PLEKHG1: variants seen among roughly 807,000 people sequenced by gnomAD.
PLEKHG1 encodes the protein pleckstrin homology domain-containing family G member 1.
PLEKHG1 carries 44 observed loss-of-function variants against 100.8 expected under a neutral mutation model. The ratio of observed to expected loss-of-function variants is 0.44; its 90% confidence interval spans 0.34 to 0.56. PLEKHG1 has a LOEUF of 0.56. PLEKHG1 is among the 20% of genes least tolerant of loss of function. The pLI, the probability that PLEKHG1 is intolerant of heterozygous loss-of-function variation, is 0.01. For synonymous variants in PLEKHG1, 640 were observed against 662.5 expected (o/e 0.97, Z 0.52); for missense variants, 1,545 against 1,720.9 (o/e 0.90, Z 1.81).
At chr6:150,797,262 T>C (rs1263985271) in intron 5 of PLEKHG1, among the ~76,000 whole-genome samples, 2 of 152,074 alleles carry the variant, frequency 1.3e-5, no homozygotes, top group Non-Finnish European at 2.9e-5. Context: ...GGGATCCACC[T>C]AGAAGAGAAG....
intron 1 of PLEKHG1, among the ~76,000 whole-genome samples, chr6:150,603,551 G>A (rs1776458781): frequency 6.6e-6 from 1 of 152,154 alleles, no homozygotes; most frequent in Admixed American, 6.5e-5. Flanking sequence ...CGTATCTAAT[G>A]CTGCAAAACA....
At chr6:150,719,831 A>T (rs1781596015), upstream of PLEKHG1, among the ~76,000 whole-genome samples, 1 of 152,240 alleles carries the variant, frequency 6.6e-6, no homozygotes, top group Non-Finnish European at 1.5e-5. Context: ...ACTGATTTCC[A>T]TCAAACTGGT....
intron 10 of PLEKHG1, among the ~76,000 whole-genome samples, chr6:150,817,235 G>A (rs1173445506): frequency 6.6e-6 from 1 of 152,204 alleles, no homozygotes; most frequent in Non-Finnish European, 1.5e-5. Context: ...AGCTCGGAGA[G>A]CACCCACCTA....
intron 10 of PLEKHG1, 137 bp downstream of exon 11, chr6:150,809,871 TAAAAAC>T: frequency 3.2e-6 from 1 of 316,356 alleles, no homozygotes; most frequent in Non-Finnish European, 5.4e-6. Flanking sequence ...TGTCTCAAAA[TAAAAAC>T]AAAGAGACTG....
chr6:150,831,997 T>C lies in PLEKHG1; in HGVS notation c.2886T>C (p.Pro962=), dbSNP rs1427859484. 6.2e-7 allele frequency: 1 copy of C among 1,613,710 alleles called. No homozygotes were observed. Among genetic ancestry groups the C allele is most frequent in the South Asian group, 1.1e-5 (1 of 90,986 alleles). Residue 962 remains proline (P), a synonymous_variant, in exon 15 of 16, where the codon CCT becomes CCC. Transcript: ENST00000358517. This position sits in a 1 kb window ranked among gnomAD's most constrained non-coding sequence, Gnocchi z 4.1. ...TGTCTCAAACAGACCCAGAAAACCC[T>C]GACCTGGGGATGGAGGCCACAGATA...
At chr6:150,646,038 C>T (rs1343344267) in intron 2 of PLEKHG1, among the ~76,000 whole-genome samples, 1 of 152,166 alleles carries the variant, frequency 6.6e-6, no homozygotes, top group Non-Finnish European at 1.5e-5. Flanking sequence ...ACATACTATC[C>T]ACCAGTACAA....
intron 3 of PLEKHG1, among the ~76,000 whole-genome samples, chr6:150,688,023 C>T (rs1251062581): frequency 1.3e-5 from 2 of 152,202 alleles, no homozygotes; most frequent in Non-Finnish European, 2.9e-5. Flanking sequence ...TAAGTATTCA[C>T]TGCAAAATAG....
chr6:150,737,711 C>T (rs1014244551), intron 2 of PLEKHG1, among the ~76,000 whole-genome samples: 6 of 152,130 alleles, frequency 3.9e-5, no homozygotes, highest in Non-Finnish European at 7.4e-5. Flanking sequence ...TTTTCAAATG[C>T]AAAATTTTAA....
intron 3 of PLEKHG1, among the ~76,000 whole-genome samples, chr6:150,714,952 G>A (rs1167931530): frequency 6.6e-6 from 1 of 151,928 alleles, no homozygotes; most frequent in Admixed American, 6.6e-5. Context: ...GGGACTACAG[G>A]CGTGCACCAC....
chr6:150,836,389 A>G (rs952708768), intron 15 of PLEKHG1, among the ~76,000 whole-genome samples: 20 of 151,992 alleles, frequency 1.3e-4, no homozygotes, highest in African/African-American at 2.4e-5. Context: ...AAAAGATTAA[A>G]AAATAAGTAA....
At chr6:150,731,962 CTTT>C (rs34542836) in intron 1 of PLEKHG1, among the ~76,000 whole-genome samples, 25,880 of 134,280 alleles carry the variant, frequency 0.19, 3,705 homozygotes, top group African/African-American at 0.42. Context: ...TATTAAGTGA[CTTT>C]TTTTTTTTTT....
chr6:150,802,664 A>T (rs1312976659), intron 6 of PLEKHG1, among the ~76,000 whole-genome samples: 9 of 143,440 alleles, frequency 6.3e-5, no homozygotes, highest in South Asian at 2.2e-4. Context: ...CATTCACATC[A>T]TTTTTTTTTT....
intron 1 of PLEKHG1, among the ~76,000 whole-genome samples, chr6:150,637,678 A>AGTGT (rs147755663): frequency 6.6e-6 from 1 of 151,802 alleles, no homozygotes; most frequent in Admixed American, 6.6e-5. Flanking sequence ...TGTGTGTGTG[A>AGTGT]GTGTGTGTGT....
intron 14 of PLEKHG1, among the ~76,000 whole-genome samples, chr6:150,825,384 C>T (rs769534129): frequency 6.6e-6 from 1 of 151,990 alleles, no homozygotes; most frequent in African/African-American, 2.4e-5. Context: ...CAAGATCAGC[C>T]TTGGCAACAT....
intron 7 of PLEKHG1, among the ~76,000 whole-genome samples, chr6:150,808,471 C>T (rs373885626): frequency 5.5e-4 from 83 of 151,770 alleles, no homozygotes; most frequent in Non-Finnish European, 1.0e-3. Context: ...GGGAAGGGGC[C>T]GGGTGCGGTG....
chr6:150,814,389 T>C (rs1787733165), intron 10 of PLEKHG1, among the ~76,000 whole-genome samples: 1 of 152,274 alleles, frequency 6.6e-6, no homozygotes, highest in African/African-American at 2.4e-5. Context: ...AGTATTCAAA[T>C]GGTTAATATA....
intron 2 of PLEKHG1, among the ~76,000 whole-genome samples, chr6:150,765,113 C>G (rs964210347): frequency 6.6e-6 from 1 of 152,070 alleles, no homozygotes; most frequent in Non-Finnish European, 1.5e-5. Flanking sequence ...GGCATCCCAA[C>G]GTAATACATG....
At chr6:150,779,257 A>G (rs970051290) in intron 3 of PLEKHG1, among the ~76,000 whole-genome samples, 1 of 151,812 alleles carries the variant, frequency 6.6e-6, no homozygotes, top group Non-Finnish European at 1.5e-5. Flanking sequence ...TCCTCCTACC[A>G]GGAAGTCCAC....
intron 3 of PLEKHG1, among the ~76,000 whole-genome samples, chr6:150,774,813 G>T (rs1181105099): frequency 6.6e-6 from 1 of 151,642 alleles, no homozygotes; most frequent in Non-Finnish European, 1.5e-5. Flanking sequence ...TTACAGGGGG[G>T]AGCCACTGTG....
Sources: gnomAD v4.1 joint callset for allele counts (sites outside exome capture counted in the v4.1 genomes callset) on GRCh38, gnomAD v4.1.1 for gene constraint, Gnocchi (gnomAD v3.1) non-coding constraint, MANE v1.5 for transcripts, NCBI Gene and HGNC (gene_info 2026-07-23, HGNC 2026-07-21) for gene names.